Variants in SSBP2 observed in about 807,000 individuals in gnomAD.
The protein encoded by SSBP2 is single-stranded DNA-binding protein 2.
Under a neutral mutation model 61.8 loss-of-function variants are expected in SSBP2, and 17 were observed. That is an observed-to-expected ratio of 0.28 (90% CI 0.19 to 0.41). SSBP2 has a LOEUF of 0.41. Among genes scored for constraint, SSBP2 ranks in the 10% least tolerant of loss-of-function variants. SSBP2 has a pLI of 1.00. For missense variants in SSBP2, 310 were observed against 458.7 expected (o/e 0.68, Z 2.96); for synonymous variants, 139 against 141.3 (o/e 0.98, Z 0.12).
At chr5:81,648,292 C>A (rs7730258) in intron 2 of SSBP2, among the ~76,000 whole-genome samples, 4,817 of 152,140 alleles carry the variant, frequency 0.032, 203 homozygotes, top group African/African-American at 0.11. Flanking sequence ...TCATGAAACA[C>A]AGATACACCA....
intron 1 of SSBP2, among the ~76,000 whole-genome samples, chr5:81,662,631 G>A (rs913149467): frequency 4.6e-5 from 7 of 151,734 alleles, no homozygotes; most frequent in South Asian, 2.1e-4. Flanking sequence ...GTGAAACCCC[G>A]TCTCTACTAA....
At chr5:81,520,429 T>C (rs997305488) in intron 4 of SSBP2, among the ~76,000 whole-genome samples, 3 of 152,198 alleles carry the variant, frequency 2.0e-5, no homozygotes, top group Non-Finnish European at 2.9e-5. Context: ...TTGCCAGTTA[T>C]TGAATGCAAC....
chr5:81,560,082 TATTA>T (rs1772929021), intron 4 of SSBP2, among the ~76,000 whole-genome samples: 1 of 152,196 alleles, frequency 6.6e-6, no homozygotes. Flanking sequence ...ACTTAAACTA[TATTA>T]AATAACAGAA....
chr5:81,524,609 T>C (rs1053783986), intron 4 of SSBP2, among the ~76,000 whole-genome samples: 4 of 152,080 alleles, frequency 2.6e-5, no homozygotes, highest in South Asian at 4.1e-4. Flanking sequence ...ACTTGGCCTA[T>C]TGCAGTATGT....
chr5:81,478,225 G>T (rs1392337059), intron 6 of SSBP2, among the ~76,000 whole-genome samples: 1 of 151,972 alleles, frequency 6.6e-6, no homozygotes, highest in Non-Finnish European at 1.5e-5. Context: ...GCAGTGGTGT[G>T]ATCATAGATC....
At chr5:81,660,408 G>A (rs1750586892) in intron 1 of SSBP2, among the ~76,000 whole-genome samples, 1 of 152,122 alleles carries the variant, frequency 6.6e-6, no homozygotes, top group Non-Finnish European at 1.5e-5. Context: ...ACAAACATAT[G>A]AGAAAAAGTT....
At chr5:81,680,420 G>A (rs996213971) in intron 1 of SSBP2, among the ~76,000 whole-genome samples, 6 of 149,428 alleles carry the variant, frequency 4.0e-5, no homozygotes, top group Non-Finnish European at 8.9e-5. Context: ...TCAAACTAAT[G>A]CCATCACATT....
At chr5:81,452,355 G>C (rs1234190946) in intron 10 of SSBP2, among the ~76,000 whole-genome samples, 1 of 152,108 alleles carries the variant, frequency 6.6e-6, no homozygotes, top group African/African-American at 2.4e-5. Context: ...TCAAACTCTT[G>C]GCCTCAAGCT....
intron 5 of SSBP2, 45 bp downstream of exon 5, chr5:81,513,583 G>T: frequency 8.8e-7 from 1 of 1,135,506 alleles, no homozygotes; most frequent in South Asian, 1.3e-5. Context: ...AATCAAACAG[G>T]AGTTCCTATG....
intron 1 of SSBP2, among the ~76,000 whole-genome samples, chr5:81,714,759 A>G (rs1473032253): frequency 1.3e-5 from 2 of 151,968 alleles, no homozygotes; most frequent in Admixed American, 6.6e-5. Flanking sequence ...TTTTCTTGTA[A>G]ATTTGTTTAA....
At chr5:81,569,438 A>T (rs1440939370) in intron 4 of SSBP2, among the ~76,000 whole-genome samples, 1 of 152,212 alleles carries the variant, frequency 6.6e-6, no homozygotes, top group Non-Finnish European at 1.5e-5. Flanking sequence ...AATAATACAC[A>T]TAGTATATGT....
intron 3 of SSBP2, among the ~76,000 whole-genome samples, chr5:81,632,893 C>T (rs1033837884): frequency 6.6e-6 from 1 of 152,102 alleles, no homozygotes; most frequent in African/African-American, 2.4e-5. Context: ...GAATCTGAAA[C>T]ATTCTTGTTT....
At chr5:81,602,262 T>C (rs1744437958) in intron 4 of SSBP2, among the ~76,000 whole-genome samples, 1 of 152,204 alleles carries the variant, frequency 6.6e-6, no homozygotes. Context: ...TAGTCCAGAC[T>C]GATATAATTC....
rs942516567 is a variant in SSBP2 at position 81,528,526 on chromosome 5, C to T, written c.283-14809G>A. ...CAACTGTTTTTAGTATCATTTCATC[C>T]GAATAGTAATTTGACTACTGTAACA... is the stretch of plus-strand genomic sequence containing the variant. On this transcript the variant is annotated intron_variant, in intron 4 of 16. Coordinates refer to ENST00000320672, the MANE Select transcript of SSBP2 (RefSeq NM_012446.5). 2.6e-5 allele frequency among the ~76,000 whole-genome samples: 4 copies of T among 151,954 alleles called. No homozygotes were observed. In the South Asian group the frequency reaches 6.2e-4, roughly 24 times the overall value.
chr5:81,654,807 T>C (rs1259554546), intron 1 of SSBP2, among the ~76,000 whole-genome samples: 1 of 152,012 alleles, frequency 6.6e-6, no homozygotes, highest in African/African-American at 2.4e-5. Flanking sequence ...CTTGGTGCCA[T>C]GTCTAGTAAC....
chr5:81,503,321 G>A (rs894953234), intron 5 of SSBP2, among the ~76,000 whole-genome samples: 2 of 152,126 alleles, frequency 1.3e-5, no homozygotes, highest in African/African-American at 4.8e-5. Flanking sequence ...GGGTGTGGTG[G>A]TGCATGCCTG....
chr5:81,567,642 A>T (rs1773526628), intron 4 of SSBP2, among the ~76,000 whole-genome samples: 1 of 152,132 alleles, frequency 6.6e-6, no homozygotes, highest in Non-Finnish European at 1.5e-5. Flanking sequence ...AGCATGGTAG[A>T]TCCACCCACA....
At chr5:81,534,742 T>G (rs6865376) in intron 4 of SSBP2, among the ~76,000 whole-genome samples, 16,914 of 151,878 alleles carry the variant, frequency 0.11, 1,020 homozygotes, top group African/African-American at 0.14. Context: ...TAAATATGTG[T>G]AATGGAGATA....
chr5:81,612,125 T>C lies in SSBP2; in HGVS notation c.282+3348A>G, dbSNP rs145384068. Among the ~76,000 whole-genome samples, 167 of 152,284 alleles carry C rather than the reference T, an allele frequency of 1.1e-3. 1 individual carries two copies. The Middle Eastern group carries it at 0.024, about 22-fold the overall frequency. On this transcript the variant is annotated intron_variant, in intron 4 of 16. Transcript: ENST00000320672. ...TACTAATTTCCAAACACATCAAGTT[T>C]ACACATTACATATGTACAGCTTTTT...
Sources: gnomAD v4.1 joint callset for allele counts (sites outside exome capture counted in the v4.1 genomes callset) on GRCh38, gnomAD v4.1.1 for gene constraint, MANE v1.5 for transcripts, NCBI Gene and HGNC (gene_info 2026-07-23, HGNC 2026-07-21) for gene names.